The following CERT1 variants were observed in gnomAD, a reference collection of about 807,000 sequenced individuals.
CERT1 encodes the protein ceramide transfer protein.
CERT1 carries 31 observed loss-of-function variants against 87.9 expected under a neutral mutation model. The observed-to-expected ratio is 0.35, with a 90% confidence interval of 0.27 to 0.48. The LOEUF is 0.48. CERT1 is among the 20% of genes least tolerant of loss of function. The pLI is 0.99. For missense variants in CERT1, 487 were observed against 758.0 expected (o/e 0.64, Z 4.20); for synonymous variants, 289 against 250.9 (o/e 1.15, Z -1.44).
At chr5:75,453,306 T>G (rs958708991) in intron 3 of CERT1, among the ~76,000 whole-genome samples, 2 of 152,144 alleles carry the variant, frequency 1.3e-5, no homozygotes, top group Admixed American at 6.5e-5. Flanking sequence ...TTATTTCAAA[T>G]AAAAAATTTG....
intron 2 of CERT1, among the ~76,000 whole-genome samples, chr5:75,478,053 C>G (rs1766051755): frequency 6.6e-6 from 1 of 152,152 alleles, no homozygotes; most frequent in South Asian, 2.1e-4. Flanking sequence ...TGACTCACGC[C>G]TGTAATCCCA....
chr5:75,435,159 GTC>G (rs1394395517), intron 3 of CERT1, among the ~76,000 whole-genome samples: 1 of 152,160 alleles, frequency 6.6e-6, no homozygotes, highest in Non-Finnish European at 1.5e-5. Context: ...ATTTCTGTCT[GTC>G]TGCACTGATT....
intron 2 of CERT1, among the ~76,000 whole-genome samples, chr5:75,495,186 T>C (rs1766999536): frequency 6.6e-6 from 1 of 152,228 alleles, no homozygotes; most frequent in Non-Finnish European, 1.5e-5. Flanking sequence ...TACGTAATTG[T>C]TGGATAATAT....
intron 11 of CERT1, among the ~76,000 whole-genome samples, chr5:75,390,578 C>G (rs1229128869): frequency 6.6e-6 from 1 of 152,042 alleles, no homozygotes; most frequent in East Asian, 1.9e-4. Flanking sequence ...TACCAGAATT[C>G]TCAGATTTAT....
At chr5:75,426,559 AG>A in intron 3 of CERT1, 81 bp from the exon 4 acceptor site, 1 of 984,782 alleles carries the variant, frequency 1.0e-6, no homozygotes, top group Non-Finnish European at 1.6e-6. Context: ...TGAATTAACA[AG>A]GTTATTATAA....
intron 8 of CERT1, among the ~76,000 whole-genome samples, chr5:75,403,473 G>C (rs1762581344): frequency 6.6e-6 from 1 of 152,190 alleles, no homozygotes; most frequent in Admixed American, 6.5e-5. Flanking sequence ...TGTCCATAAA[G>C]TTTTACTGGA....
At chr5:75,510,992 A>G in intron 1 of CERT1, 120 bp downstream of exon 1, 1 of 1,324,676 alleles carries the variant, frequency 7.5e-7, no homozygotes, top group Non-Finnish European at 1.0e-6. Flanking sequence ...CTGCAGCAAC[A>G]CTCAGCCTCG....
At chr5:75,469,830 G>A (rs1173798077) in intron 2 of CERT1, among the ~76,000 whole-genome samples, 1 of 151,928 alleles carries the variant, frequency 6.6e-6, no homozygotes, top group African/African-American at 2.4e-5. Flanking sequence ...TTGCCTATAA[G>A]GGACTCATTT....
At chr5:75,422,382 G>A (rs1306840350) in intron 5 of CERT1, among the ~76,000 whole-genome samples, 1 of 152,134 alleles carries the variant, frequency 6.6e-6, no homozygotes, top group African/African-American at 2.4e-5. Flanking sequence ...TTGGGAGGCA[G>A]AGGCAAGCAG....
rs556802611 is a variant in CERT1, at chr5:75,452,889, A to T, written c.348+6176T>A. Among the ~76,000 whole-genome samples the T allele has an allele frequency of 2.0e-5, 3 of 152,330 alleles. No homozygotes were observed. In the South Asian group the frequency reaches 6.2e-4, roughly 32 times the overall value. On this transcript the variant is annotated intron_variant, in intron 3 of 16. Transcript: ENST00000643780. ...CTCAAAATCATAAGGAGAAATGCAG[A>T]ATATTAATGGACTCCACAGATTAAA...
At chr5:75,455,566 T>C (rs1473082272) in intron 3 of CERT1, among the ~76,000 whole-genome samples, 1 of 152,164 alleles carries the variant, frequency 6.6e-6, no homozygotes, top group African/African-American at 2.4e-5. Flanking sequence ...AGGATTCAAA[T>C]CCACATTTGC....
intron 7 of CERT1, among the ~76,000 whole-genome samples, chr5:75,412,957 A>G (rs1157224520): frequency 2.0e-5 from 3 of 152,178 alleles, no homozygotes; most frequent in Admixed American, 1.3e-4. Flanking sequence ...TACTTTATAA[A>G]CTTTTTAATT....
intron 11 of CERT1, among the ~76,000 whole-genome samples, chr5:75,397,542 A>C (rs1435318636): frequency 6.6e-6 from 1 of 152,134 alleles, no homozygotes; most frequent in Non-Finnish European, 1.5e-5. Flanking sequence ...ATTCTTTATT[A>C]CTGGCTTACA....
chr5:75,393,190 TCTAAGTTTTAATTAGG>T (rs1762099100), intron 11 of CERT1, among the ~76,000 whole-genome samples: 1 of 151,936 alleles, frequency 6.6e-6, no homozygotes. Context: ...GAACAGTGTT[TCTAAGTTTTAATTAGG>T]CTAAGTGTAA....
intron 17 of CERT1, chr5:75,368,923 T>C (rs1760987521): frequency 6.6e-6 from 1 of 152,164 alleles, no homozygotes; most frequent in African/African-American, 2.4e-5. Flanking sequence ...AAAACTTTTT[T>C]TTTTTTGGAG....
At chr5:75,405,312 G>C (rs1762658596) in intron 8 of CERT1, among the ~76,000 whole-genome samples, 1 of 151,986 alleles carries the variant, frequency 6.6e-6, no homozygotes, top group Non-Finnish European at 1.5e-5. Context: ...CTCCTTTGTA[G>C]GTTTCCCCTT....
At chr5:75,467,650 GA>G (rs58587061) in intron 2 of CERT1, among the ~76,000 whole-genome samples, 16,322 of 132,888 alleles carry the variant, frequency 0.12, 893 homozygotes, top group South Asian at 0.23. Context: ...CCAAAAAAAA[GA>G]AAAAAAAAAA....
At chr5:75,511,688 C>T (rs914732088), upstream of CERT1, 9 of 1,534,760 alleles carry the variant, frequency 5.9e-6, no homozygotes, top group African/African-American at 1.1e-4. Flanking sequence ...CCCCACTACT[C>T]CCCGCCCCGT....
intron 2 of CERT1, among the ~76,000 whole-genome samples, chr5:75,487,653 A>G (rs1439561729): frequency 6.6e-6 from 1 of 152,114 alleles, no homozygotes; most frequent in Non-Finnish European, 1.5e-5. Flanking sequence ...CCACTTAAAA[A>G]ATGGTTGAAA....
Sources: allele counts gnomAD v4.1 joint callset (sites outside exome capture counted in the v4.1 genomes callset), GRCh38; gene constraint gnomAD v4.1.1; transcripts MANE v1.5; gene names NCBI Gene and HGNC (gene_info 2026-07-23, HGNC 2026-07-21).